The following XPR1 variants were observed in gnomAD, a reference collection of about 807,000 sequenced individuals.
XPR1 encodes the protein xenotropic and polytropic retrovirus receptor 1.
Under a neutral mutation model 87.5 loss-of-function variants are expected in XPR1, and 28 were observed. The observed-to-expected ratio is 0.32, with a 90% CI of 0.24 to 0.44. XPR1 has a LOEUF of 0.44. Among genes scored for constraint, XPR1 ranks in the 20% least tolerant of loss-of-function variants. The pLI, the probability that XPR1 is intolerant of heterozygous loss-of-function variation, is 1.00. For synonymous variants in XPR1, 300 were observed against 306.1 expected (o/e 0.98, Z 0.21); for missense variants, 559 against 862.3 (o/e 0.65, Z 4.41).
At chr1:180,697,043 T>C (rs1215332970) in intron 2 of XPR1, among the ~76,000 whole-genome samples, 2 of 152,124 alleles carry the variant, frequency 1.3e-5, no homozygotes, top group African/African-American at 4.8e-5. Context: ...TTGGAATAGC[T>C]TGAGGAGAAT....
At chr1:180,839,722 G>A (rs1016198464) in intron 11 of XPR1, among the ~76,000 whole-genome samples, 2 of 152,156 alleles carry the variant, frequency 1.3e-5, no homozygotes, top group Non-Finnish European at 2.9e-5. Context: ...AGGGGTTGGA[G>A]GGGGGCTTAT....
At chr1:180,717,246 G>A (rs773620343) in intron 2 of XPR1, among the ~76,000 whole-genome samples, 7 of 152,276 alleles carry the variant, frequency 4.6e-5, no homozygotes, top group Non-Finnish European at 8.8e-5. Context: ...GCCCACTTTG[G>A]CCTCCCAAAG....
rs143167892 is a variant in XPR1, at chr1:180,664,459, G to T, written c.70-17901G>T. ...CTGAGAGCCAGGGCCTGGAATGGGG[G>T]GCCTCGTGACACTGCCCAGTGTCCT... is the stretch of plus-strand genomic sequence containing the variant. On this transcript the variant is annotated intron_variant, in intron 1 of 14. Coordinates refer to ENST00000367590, the MANE Select transcript of XPR1 (RefSeq NM_004736.4). Among the ~76,000 whole-genome samples, 649 of 152,270 alleles carry T rather than the reference G, an allele frequency of 4.3e-3. 2 individuals are homozygous for T. The highest frequency in any genetic ancestry group is 7.7e-3 in the Non-Finnish European group (527 of 68,016).
At chr1:180,716,114 A>G (rs1657985718) in intron 2 of XPR1, among the ~76,000 whole-genome samples, 1 of 152,104 alleles carries the variant, frequency 6.6e-6, no homozygotes, top group Non-Finnish European at 1.5e-5. Context: ...TTTGGGCTAT[A>G]TCAGCTACAG....
At chr1:180,811,627 T>C (rs1183458459) in intron 7 of XPR1, 139 bp downstream of exon 7, 1 of 644,738 alleles carries the variant, frequency 1.6e-6, no homozygotes, top group African/African-American at 1.9e-5. Flanking sequence ...TTTGTCCTTA[T>C]AAATGTGGTT....
At chr1:180,671,843 A>C (rs1656189306) in intron 1 of XPR1, among the ~76,000 whole-genome samples, 1 of 151,972 alleles carries the variant, frequency 6.6e-6, no homozygotes, top group Non-Finnish European at 1.5e-5. Flanking sequence ...GTTTAAAGAG[A>C]CAGAGTTTTG....
At chr1:180,806,956 T>A (rs1650013651) in intron 6 of XPR1, among the ~76,000 whole-genome samples, 1 of 152,136 alleles carries the variant, frequency 6.6e-6, no homozygotes, top group Non-Finnish European at 1.5e-5. Context: ...ATATCTTCTG[T>A]GTCATAAAAC....
chr1:180,772,940 T>G (rs934476528), intron 2 of XPR1, among the ~76,000 whole-genome samples: 1 of 152,164 alleles, frequency 6.6e-6, no homozygotes, highest in Non-Finnish European at 1.5e-5. Context: ...CAACCATGAG[T>G]TCACACTGTT....
intron 7 of XPR1, among the ~76,000 whole-genome samples, chr1:180,819,049 A>G (rs925366283): frequency 2.0e-5 from 3 of 152,156 alleles, no homozygotes; most frequent in Non-Finnish European, 4.4e-5. Flanking sequence ...TCCTGGGCTC[A>G]GGCGATCCTC....
chr1:180,799,527 G>A (rs921471021), intron 3 of XPR1, among the ~76,000 whole-genome samples: 2 of 152,186 alleles, frequency 1.3e-5, no homozygotes, highest in Admixed American at 6.5e-5. Context: ...TGAGTTCCTT[G>A]ATCAGAAGCA....
At chr1:180,780,425 CA>C (rs1413892524) in intron 2 of XPR1, among the ~76,000 whole-genome samples, 3 of 152,088 alleles carry the variant, frequency 2.0e-5, no homozygotes, top group African/African-American at 7.2e-5. Context: ...GAAATATTTT[CA>C]TGTACTTATT....
At chr1:180,713,440 A>G (rs982910262) in intron 2 of XPR1, among the ~76,000 whole-genome samples, 1 of 152,164 alleles carries the variant, frequency 6.6e-6, no homozygotes, top group South Asian at 2.1e-4. Flanking sequence ...GCCAATGAAG[A>G]CAGTTTTACT....
intron 2 of XPR1, among the ~76,000 whole-genome samples, chr1:180,763,129 T>G (rs1435179411): frequency 6.6e-6 from 1 of 152,226 alleles, no homozygotes; most frequent in Non-Finnish European, 1.5e-5. Flanking sequence ...CAAATGTTCA[T>G]TAATTCACCC....
chr1:180,662,866 C>G (rs1183382365), intron 1 of XPR1, among the ~76,000 whole-genome samples: 2 of 152,042 alleles, frequency 1.3e-5, no homozygotes, highest in African/African-American at 4.8e-5. Context: ...AATAGCCTGT[C>G]TTTAAGCTCA....
At chr1:180,634,155 AATGTTT>A (rs1268471225) in intron 1 of XPR1, among the ~76,000 whole-genome samples, 1 of 152,158 alleles carries the variant, frequency 6.6e-6, no homozygotes, top group Non-Finnish European at 1.5e-5. Context: ...ACTGTTCCTA[AATGTTT>A]ACTGTAGGTT....
chr1:180,710,408 C>A (rs552923052), intron 2 of XPR1, among the ~76,000 whole-genome samples: 1 of 151,904 alleles, frequency 6.6e-6, no homozygotes, highest in Non-Finnish European at 1.5e-5. Flanking sequence ...TGACTCTTAA[C>A]GAGCATGCTG....
chr1:180,751,007 T>C (rs1219373088), intron 2 of XPR1, among the ~76,000 whole-genome samples: 1 of 152,086 alleles, frequency 6.6e-6, no homozygotes, highest in East Asian at 1.9e-4. Context: ...CCTTATTTCA[T>C]ATATTAATGC....
intron 3 of XPR1, 115 bp from the exon 4 acceptor site, chr1:180,803,273 G>T (rs1457330916): frequency 1.1e-6 from 1 of 948,320 alleles, no homozygotes; most frequent in South Asian, 1.8e-5. Flanking sequence ...AATATTACAT[G>T]TAACGGTTTT....
In XPR1 at chr1:180,664,242, G is replaced by A. The variant is rs77312019; in HGVS notation, c.70-18118G>A. On this transcript the variant is annotated intron_variant, in intron 1 of 14. Transcript: ENST00000367590. ...TAGCCACCACAGCTGTGAATGTGCC[G>A]GCTTACACGTGAAGCCAGCATGTCT... is the stretch of plus-strand genomic sequence containing the variant. Among the ~76,000 whole-genome samples, 1,429 of 152,190 alleles carry A rather than the reference G, an allele frequency of 9.4e-3. 66 individuals carry two copies. In the East Asian group the frequency reaches 0.095, roughly 10 times the overall value.
Sources: allele counts gnomAD v4.1 joint callset (sites outside exome capture counted in the v4.1 genomes callset), GRCh38; gene constraint gnomAD v4.1.1; transcripts MANE v1.5; gene names NCBI Gene and HGNC (gene_info 2026-07-23, HGNC 2026-07-21).